WIPI2: variants seen among roughly 807,000 people sequenced by gnomAD.
WIPI2 encodes the protein WD repeat domain phosphoinositide-interacting protein 2.
WIPI2 carries 28 observed loss-of-function variants against 52.3 expected under a neutral mutation model. The observed-to-expected ratio is 0.54, with a 90% CI of 0.40 to 0.73. The LOEUF is 0.73. WIPI2 is among the 30% of genes least tolerant of loss of function. The probability of loss-of-function intolerance (pLI) is 0.00; values close to 1 mark genes in which losing one functional copy is unlikely to be tolerated. For synonymous variants in WIPI2, 268 were observed against 245.0 expected, an observed-to-expected ratio of 1.09 and a Z score of -0.88; for missense variants, 506 against 602.9, an observed-to-expected ratio of 0.84 and a Z score of 1.68.
intron 2 of WIPI2, among the ~76,000 whole-genome samples, chr7:5,197,368 C>T (rs917130725): frequency 1.3e-4 from 20 of 151,916 alleles, no homozygotes; most frequent in African/African-American, 4.1e-4. Flanking sequence ...ATCAGTTTCC[C>T]GAAAGTTCTG....
intron 3 of WIPI2, among the ~76,000 whole-genome samples, chr7:5,210,913 C>T (rs576009200): frequency 3.3e-5 from 5 of 151,840 alleles, no homozygotes; most frequent in South Asian, 2.1e-4. Context: ...ACATTGAACT[C>T]GCGGCTCGCA....
chr7:5,214,314 T>C lies in WIPI2; in HGVS notation c.212-221T>C, dbSNP rs1466875475. 13 of 1,550,988 alleles carry C rather than the reference T, an allele frequency of 8.4e-6. No homozygotes were observed. The East Asian group carries it at 3.0e-4, about 36-fold the overall frequency. ...CCTTTGTCTTTCGTGTGAATGCTCG[T>C]GAGGGGCCATCCTTAGAGTGGAAAT... is the stretch of plus-strand genomic sequence containing the variant. On this transcript the variant is annotated intron_variant, in intron 3 of 12. Transcript: ENST00000288828.
intron 3 of WIPI2, among the ~76,000 whole-genome samples, chr7:5,201,320 T>C (rs1195102361): frequency 6.6e-6 from 1 of 152,260 alleles, no homozygotes; most frequent in Non-Finnish European, 1.5e-5. Flanking sequence ...CCAGTGCTTA[T>C]AAAGAGTGGA....
chr7:5,203,038 A>G (rs748495943), intron 3 of WIPI2, among the ~76,000 whole-genome samples: 1 of 152,228 alleles, frequency 6.6e-6, no homozygotes, highest in Non-Finnish European at 1.5e-5. Context: ...ACTGCTCCTT[A>G]GCTCAGCAAA....
At chr7:5,228,863 G>C (rs990661417) in intron 11 of WIPI2, among the ~76,000 whole-genome samples, 5 of 152,052 alleles carry the variant, frequency 3.3e-5, no homozygotes, top group Non-Finnish European at 7.4e-5. Context: ...CTAGTAGCTG[G>C]GACTACAGGC....
At chr7:5,216,390 C>G in intron 4 of WIPI2, 173 bp from the exon 5 acceptor site, 1 of 527,498 alleles carries the variant, frequency 1.9e-6, no homozygotes, top group South Asian at 2.5e-5. Flanking sequence ...CGAGATCACA[C>G]CACTGCACTC....
In WIPI2 at chr7:5,226,160, C is replaced by T. The variant is rs185694736; in HGVS notation, c.848+230C>T. 99 of 527,026 alleles carry T rather than the reference C, an allele frequency of 1.9e-4. 1 individual carries two copies. The highest frequency in any genetic ancestry group is 1.7e-3 in the African/African-American group (87 of 52,380). The allele number at this position is 527,026 out of a possible 1,614,324, so 32.6% of individuals were successfully genotyped here. On this transcript the variant is annotated intron_variant, in intron 9 of 12. Transcript: ENST00000288828. ...GGCAGCACGCAGGGTAGACAGAGCC[C>T]TCGCGTAGGGCATGGAGGGCCCAGG...
At chr7:5,217,483 G>T in intron 6 of WIPI2, 1 of 409,988 alleles carries the variant, frequency 2.4e-6, no homozygotes, top group Non-Finnish European at 4.6e-6. Flanking sequence ...TTTTTGTAGA[G>T]ATGGAGTCTT....
intron 2 of WIPI2, among the ~76,000 whole-genome samples, chr7:5,197,121 A>C (rs1382023943): frequency 2.1e-5 from 3 of 143,606 alleles, no homozygotes; most frequent in East Asian, 4.1e-4. Flanking sequence ...CAAAAAACAA[A>C]AAAAAAAAAA....
intron 4 of WIPI2, 113 bp downstream of exon 4, chr7:5,214,817 G>A (rs531520687): frequency 2.0e-5 from 25 of 1,228,186 alleles, no homozygotes; most frequent in Middle Eastern, 1.9e-4. Flanking sequence ...CTGGCCCCAC[G>A]TTGCCGGGCA....
chr7:5,210,209 T>G (rs1782488293), intron 3 of WIPI2, among the ~76,000 whole-genome samples: 1 of 152,244 alleles, frequency 6.6e-6, no homozygotes, highest in South Asian at 2.1e-4. Flanking sequence ...GCGCCTGGCC[T>G]GTAGCATAAC....
intron 4 of WIPI2, among the ~76,000 whole-genome samples, chr7:5,215,933 A>C (rs1304749550): frequency 6.6e-6 from 1 of 152,224 alleles, no homozygotes; most frequent in Non-Finnish European, 1.5e-5. Context: ...TTTTCATTTT[A>C]CCTGTGCTGC....
chr7:5,222,390 A>G (rs568904857), intron 7 of WIPI2, among the ~76,000 whole-genome samples: 49 of 152,364 alleles, frequency 3.2e-4, no homozygotes, highest in African/African-American at 1.1e-3. Context: ...CATTAAGTCA[A>G]CAATAGAACA....
At chr7:5,198,057 C>G (rs544611500) in intron 2 of WIPI2, among the ~76,000 whole-genome samples, 1 of 152,188 alleles carries the variant, frequency 6.6e-6, no homozygotes. Context: ...CTCGCAGAAG[C>G]GGGTGATGAG....
At chr7:5,194,098 G>C (rs926810899) in intron 2 of WIPI2, among the ~76,000 whole-genome samples, 2 of 152,158 alleles carry the variant, frequency 1.3e-5, no homozygotes, top group African/African-American at 4.8e-5. Context: ...TTCTGGCTTG[G>C]GTTCTGGGTG....
At chr7:5,190,710 G>A (rs532087076) in intron 1 of WIPI2, 166 of 403,816 alleles carry the variant, frequency 4.1e-4, no homozygotes, top group Non-Finnish European at 6.3e-4. Flanking sequence ...GTCCCGGAGC[G>A]GGAGAGGTGG....
At position 5,226,820 on chromosome 7, in the gene WIPI2, C is replaced by T. The variant is rs187721232; in HGVS notation, c.849-360C>T. 127 of 111,634 alleles carry T rather than the reference C, an allele frequency of 1.1e-3. 2 individuals carry two copies. Among genetic ancestry groups the T allele is most frequent in the Middle Eastern group, 0.012 (2 of 168 alleles). 6.9% of individuals were successfully genotyped at this position (111,634 alleles called of 1,614,324 possible). A position where few individuals can be genotyped will look rare whatever the true frequency, so the allele number is the denominator to read the frequency against. ...ATACGGGAAAATAACATTTTGGGGTCTATACTCAAGGTTTTTGGAGACTTC... is the reference window on the plus strand; with the variant it reads ...ATACGGGAAAATAACATTTTGGGGTTTATACTCAAGGTTTTTGGAGACTTC... On this transcript the variant is annotated intron_variant, in intron 9 of 12. Coordinates refer to ENST00000288828, the MANE Select transcript of WIPI2 (RefSeq NM_015610.4).
intron 3 of WIPI2, among the ~76,000 whole-genome samples, chr7:5,210,404 C>T (rs535104979): frequency 2.0e-4 from 31 of 152,362 alleles, no homozygotes; most frequent in African/African-American, 5.3e-4. Flanking sequence ...TACCTGCTTG[C>T]TGTTCTTCAG....
In WIPI2 at chr7:5,232,079, C is replaced by T. The variant is rs1203507042; in HGVS notation, c.*1132C>T. The T allele has an allele frequency of 1.0e-5, 4 of 398,430 alleles. No homozygotes were observed. The highest frequency in any genetic ancestry group is 1.8e-5 in the Non-Finnish European group (4 of 226,074). The allele number at this position is 398,430 out of a possible 1,614,324, so 24.7% of individuals were successfully genotyped here. On this transcript the variant is annotated 3_prime_UTR_variant, in exon 13 of 13. Coordinates refer to ENST00000288828, the MANE Select transcript of WIPI2 (RefSeq NM_015610.4). Reference sequence around the variant, plus strand: ...TTAAAACAACCTCAAGTACCTCAGACTCTGCATTCCAAACCAAGGCACCCA... The same window carrying T: ...TTAAAACAACCTCAAGTACCTCAGATTCTGCATTCCAAACCAAGGCACCCA...
Sources: allele counts gnomAD v4.1 joint callset (sites outside exome capture counted in the v4.1 genomes callset), GRCh38; gene constraint gnomAD v4.1.1; transcripts MANE v1.5; gene names NCBI Gene and HGNC (gene_info 2026-07-23, HGNC 2026-07-21).